PHLPP1: variants seen among roughly 807,000 people sequenced by gnomAD.
PHLPP1 encodes the protein PH domain and leucine rich repeat protein phosphatase 1.
A neutral mutation model predicts 117.2 loss-of-function variants in PHLPP1; 42 were observed. That is an observed-to-expected ratio of 0.36 (90% CI 0.28 to 0.46). The LOEUF (loss-of-function observed/expected upper bound fraction) is 0.46. PHLPP1 is among the 20% of genes least tolerant of loss of function. PHLPP1 has a pLI of 1.00. For missense variants in PHLPP1, 2,084 were observed against 2,241.9 expected (o/e 0.93, Z 1.42); for synonymous variants, 1,042 against 970.7 (o/e 1.07, Z -1.37).
intron 1 of PHLPP1, among the ~76,000 whole-genome samples, chr18:62,744,827 C>A (rs904403318): frequency 1.3e-5 from 2 of 151,830 alleles, no homozygotes; most frequent in African/African-American, 4.8e-5. Flanking sequence ...TGTAGATATG[C>A]ACATGTTTAG....
chr18:62,920,297 T>C (rs1909424001), intron 10 of PHLPP1, among the ~76,000 whole-genome samples, 183 bp downstream of exon 10: 1 of 152,202 alleles, frequency 6.6e-6, no homozygotes. Context: ...AGGAGCAACC[T>C]ATAGATTCTT....
At chr18:62,830,881 C>T (rs947073587) in intron 2 of PHLPP1, among the ~76,000 whole-genome samples, 5 of 152,080 alleles carry the variant, frequency 3.3e-5, no homozygotes, top group Admixed American at 3.3e-4. Context: ...TCCTTAATTT[C>T]GTGAATTTAG....
rs1914261761 is a variant in PHLPP1, at chr18:62,816,004, A to G, written c.1577-14031A>G. 4.6e-5 allele frequency among the ~76,000 whole-genome samples: 7 copies of G among 152,280 alleles called. No homozygotes were observed. In the South Asian group the frequency reaches 1.0e-3, roughly 23 times the overall value. On this transcript the variant is annotated intron_variant, in intron 1 of 16. Coordinates refer to ENST00000262719, the MANE Select transcript of PHLPP1 (RefSeq NM_194449.4). ...GTTACATATCAATAGTATTGTTTCA[A>G]GTGATTTCTTATAATTGCATTATAG...
At chr18:62,762,192 T>C (rs764288632) in intron 1 of PHLPP1, among the ~76,000 whole-genome samples, 5 of 152,062 alleles carry the variant, frequency 3.3e-5, no homozygotes, top group Non-Finnish European at 5.9e-5. Context: ...TTTGATGTAC[T>C]TTGTATCTAG....
chr18:62,789,650 A>G (rs1599048489), intron 1 of PHLPP1, among the ~76,000 whole-genome samples: 1 of 152,118 alleles, frequency 6.6e-6, no homozygotes, highest in East Asian at 1.9e-4. Context: ...TCCAGGTACC[A>G]TACTTTTTAT....
chr18:62,950,425 C>T (rs1051578029), intron 12 of PHLPP1, among the ~76,000 whole-genome samples: 1 of 152,174 alleles, frequency 6.6e-6, no homozygotes, highest in Non-Finnish European at 1.5e-5. Context: ...CCCATAGTCA[C>T]CATGTAGCCA....
chr18:62,821,853 G>A (rs1914468241), intron 1 of PHLPP1, among the ~76,000 whole-genome samples: 1 of 151,584 alleles, frequency 6.6e-6, no homozygotes. Context: ...CCATGTTCAA[G>A]CAATTCTCCC....
intron 4 of PHLPP1, among the ~76,000 whole-genome samples, chr18:62,864,241 C>T (rs1240597905): frequency 1.3e-5 from 2 of 151,988 alleles, no homozygotes; most frequent in African/African-American, 4.8e-5. Context: ...AGGCTGGTCT[C>T]GAACTCCTGA....
intron 10 of PHLPP1, among the ~76,000 whole-genome samples, chr18:62,933,780 A>G (rs1909888271): frequency 6.6e-6 from 1 of 152,242 alleles, no homozygotes. Flanking sequence ...GAGCTTCTGC[A>G]CAGCAAAAGA....
intron 1 of PHLPP1, among the ~76,000 whole-genome samples, chr18:62,718,571 A>C (rs887321401): frequency 6.6e-6 from 1 of 152,236 alleles, no homozygotes; most frequent in African/African-American, 2.4e-5. Flanking sequence ...AAGAAAACCA[A>C]ATCGTAATAC....
chr18:62,975,516 A>G lies in PHLPP1; in HGVS notation c.3875A>G (p.Gln1292Arg). Residue 1292 changes from glutamine (Q) to arginine (R), a missense_variant, in exon 16 of 17, where the codon CAA becomes CGA. Around this residue, in one of 2 missense-constraint regions of PHLPP1, gnomAD observed 1,365 missense variants for 1,605.9 expected, o/e 0.85. Coordinates refer to ENST00000262719, the MANE Select transcript of PHLPP1 (RefSeq NM_194449.4). ...TLTSANVGKCQTVLCRNGKPL... is the reference protein window; with the variant it reads ...TLTSANVGKCRTVLCRNGKPL... ...ACCTCTGCTAATGTGGGCAAGTGCC[A>G]AACAGTTCTCTGTCGAAATGGAAAG... The G allele has an allele frequency of 1.2e-6, 2 of 1,613,890 alleles. No homozygotes were observed. Among genetic ancestry groups the G allele is most frequent in the Non-Finnish European group, 8.5e-7 (1 of 1,179,772 alleles).
intron 1 of PHLPP1, among the ~76,000 whole-genome samples, chr18:62,765,619 C>G (rs1448241596): frequency 6.6e-6 from 1 of 152,098 alleles, no homozygotes; most frequent in Non-Finnish European, 1.5e-5. Flanking sequence ...TTCCATGTAT[C>G]TGCTTAAGTA....
chr18:62,810,128 A>G (rs1388346163), intron 1 of PHLPP1, among the ~76,000 whole-genome samples: 2 of 152,256 alleles, frequency 1.3e-5, no homozygotes, highest in Non-Finnish European at 2.9e-5. Context: ...TCATACACTG[A>G]TGATTGGACC....
chr18:62,978,419 C>G lies in PHLPP1; in HGVS notation c.4142C>G (p.Ser1381Cys). ...LGSKGLWDSL[S>C]VEEAVEAVRN... The stretch of plus-strand genomic sequence containing the variant: ...AGTAAGGGGTTGTGGGACAGCCTGT[C>G]CGTCGAGGAGGCCGTGGAAGCCGTG... The change falls in exon 17 of 17, where the codon TCC (serine) becomes TGC (cysteine). Residue 1381 changes from serine (S) to cysteine (C), a missense_variant. Ser to Cys is a moderately radical substitution (Grantham distance 112). Coordinates refer to ENST00000262719, the MANE Select transcript of PHLPP1 (RefSeq NM_194449.4). The surrounding 1 kb of genome is among the most constrained non-coding windows in gnomAD (Gnocchi z 7.0). 1 of 1,612,234 alleles carries G rather than the reference C, an allele frequency of 6.2e-7. No individual in the cohort carries two copies. The highest frequency in any genetic ancestry group is 8.5e-7 in the Non-Finnish European group (1 of 1,179,238).
At chr18:62,857,288 A>G (rs1915525079) in intron 3 of PHLPP1, among the ~76,000 whole-genome samples, 1 of 152,306 alleles carries the variant, frequency 6.6e-6, no homozygotes, top group East Asian at 1.9e-4. Flanking sequence ...TTGTATTAAA[A>G]ATTGTTTTCA....
intron 14 of PHLPP1, among the ~76,000 whole-genome samples, chr18:62,969,729 C>T (rs572769913): frequency 2.6e-5 from 4 of 152,232 alleles, no homozygotes; most frequent in East Asian, 1.9e-4. Context: ...ACTCTCTATT[C>T]CTATAATATT....
At chr18:62,846,209 C>CAAA (rs34577472) in intron 3 of PHLPP1, among the ~76,000 whole-genome samples, 29 of 78,574 alleles carry the variant, frequency 3.7e-4, no homozygotes, top group South Asian at 4.8e-4. Context: ...AACTCCATCT[C>CAAA]AAAAAAAAAA....
At chr18:62,968,960 T>C (rs1265935447) in intron 14 of PHLPP1, among the ~76,000 whole-genome samples, 2 of 152,242 alleles carry the variant, frequency 1.3e-5, no homozygotes, top group African/African-American at 4.8e-5. Context: ...TTTATTGATA[T>C]TCTCAAAGAA....
At chr18:62,744,749 G>A (rs1911628081) in intron 1 of PHLPP1, among the ~76,000 whole-genome samples, 1 of 152,216 alleles carries the variant, frequency 6.6e-6, no homozygotes, top group Admixed American at 6.5e-5. Flanking sequence ...ACTGGCATGT[G>A]TTACTGGAAG....
Sources: gnomAD v4.1 joint callset for allele counts (sites outside exome capture counted in the v4.1 genomes callset) on GRCh38, gnomAD v4.1.1 for gene constraint, gnomAD v4.1.1 regional missense constraint, Gnocchi (gnomAD v3.1) non-coding constraint, MANE v1.5 for transcripts, NCBI Gene and HGNC (gene_info 2026-07-23, HGNC 2026-07-21) for gene names.